TGFB1: variants seen among roughly 807,000 people sequenced by gnomAD.
TGFB1 encodes transforming growth factor beta 1.
A neutral mutation model predicts 43.8 loss-of-function variants in TGFB1; 19 were observed. The ratio of observed to expected loss-of-function variants is 0.43; its 90% CI spans 0.30 to 0.64. The LOEUF (loss-of-function observed/expected upper bound fraction) is 0.64. TGFB1 is among the 30% of genes least tolerant of loss of function. TGFB1 has a pLI of 0.11. For missense variants in TGFB1, 445 were observed against 529.8 expected (o/e 0.84, Z 1.57); for synonymous variants, 221 against 236.3 (o/e 0.94, Z 0.60).
intron 5 of TGFB1, among the ~76,000 whole-genome samples, chr19:41,333,378 A>C (rs2037956947): frequency 6.6e-6 from 1 of 151,356 alleles, no homozygotes; most frequent in South Asian, 2.1e-4. Flanking sequence ...ATGCCCGGCT[A>C]ATTTTTTTGT....
At chr19:41,331,256 G>A (rs914127637) in intron 6 of TGFB1, 46 bp from the exon 7 acceptor site, 56 of 1,462,566 alleles carry the variant, frequency 3.8e-5, no homozygotes, top group Non-Finnish European at 4.5e-5. Flanking sequence ...GTGGAGGGAG[G>A]AAAACGGCCC....
At chr19:41,344,903 A>G (rs202077445) in intron 2 of TGFB1, 39 bp from the exon 3 acceptor site, 11 of 1,523,000 alleles carry the variant, frequency 7.2e-6, no homozygotes, top group African/African-American at 1.4e-5. Context: ...CAGTGGGTAG[A>G]TGGTGTCACG....
chr19:41,350,393 CTCCCAG>C (rs2038173035), intron 1 of TGFB1, among the ~76,000 whole-genome samples: 1 of 150,482 alleles, frequency 6.6e-6, no homozygotes, highest in Non-Finnish European at 1.5e-5. Flanking sequence ...CAACCTCTGC[CTCCCAG>C]GTTCAAGCGA....
Position 41,331,106 on chromosome 19 carries a change from C to T in TGFB1, c.1119G>A (p.Lys373=), listed in dbSNP as rs1293607798. 1.2e-5 allele frequency: 19 copies of T among 1,590,222 alleles called. No individual in the cohort carries two copies. Among genetic ancestry groups the T allele is most frequent in the Non-Finnish European group, 1.6e-5 (19 of 1,170,382 alleles). The change falls in exon 7 of 7, where the codon AAG becomes AAA. Residue 373 remains lysine, a synonymous_variant. Transcript: ENST00000221930. ...PLPIVYYVGR[K]PKVEQLSNMI... ...TGTTGGACAGCTGCTCCACCTTGGG[C>T]TTGCGGCCCACGTAGTACACGATGG...
chr19:41,352,963 C>A lies in TGFB1; in HGVS notation c.82G>T (p.Ala28Ser), dbSNP rs1192464253. 2 of 1,545,916 alleles carry A rather than the reference C, an allele frequency of 1.3e-6. No individual in the cohort carries two copies. Among genetic ancestry groups the A allele is most frequent in the East Asian group, 2.4e-5 (1 of 41,156 alleles). ...ATAGTCTTGCAGGTGGATAGTCCCGCGGCCGGCCGGCCAGGCGTCAGCACC... is the reference window on the plus strand; with the variant it reads ...ATAGTCTTGCAGGTGGATAGTCCCGAGGCCGGCCGGCCAGGCGTCAGCACC... ...LLVLTPGRPA[A>S]GLSTCKTIDM... is the part of the protein sequence containing the mutation. Residue 28 changes from alanine to serine, a missense_variant, in exon 1 of 7, where the codon GCG becomes TCG. By Grantham distance (99) the Ala-to-Ser change is moderately conservative. Around this residue, in one of 3 missense-constraint regions of TGFB1, gnomAD observed 366 missense variants for 428.8 expected, o/e 0.85. Transcript: ENST00000221930.
At chr19:41,343,288 C>G (rs1386503074) in intron 3 of TGFB1, among the ~76,000 whole-genome samples, 2 of 152,052 alleles carry the variant, frequency 1.3e-5, no homozygotes. Context: ...GCATGCATCA[C>G]CACGCCGAGC....
intron 5 of TGFB1, among the ~76,000 whole-genome samples, chr19:41,339,235 C>T (rs1395034928): frequency 6.6e-6 from 1 of 151,878 alleles, no homozygotes; most frequent in Admixed American, 6.6e-5. Context: ...CCTGCCTCAG[C>T]CTCCCAAGTA....
chr19:41,338,231 C>G (rs983582803), intron 5 of TGFB1, among the ~76,000 whole-genome samples: 1 of 141,596 alleles, frequency 7.1e-6, no homozygotes, highest in African/African-American at 2.6e-5. Context: ...GCGTGGCTCA[C>G]CCCTGCAATC....
chr19:41,340,295 T>C (rs76206979), intron 5 of TGFB1, among the ~76,000 whole-genome samples: 11,192 of 146,792 alleles, frequency 0.076, 498 homozygotes, highest in African/African-American at 0.1. Flanking sequence ...CTCGCATCAT[T>C]GCCCAGGCCG....
At chr19:41,336,431 C>G (rs2037989431) in intron 5 of TGFB1, among the ~76,000 whole-genome samples, 1 of 150,644 alleles carries the variant, frequency 6.6e-6, no homozygotes. Context: ...GTCACCCAGG[C>G]TGGAGTGCAG....
At chr19:41,342,133 C>A (rs200134934) in intron 4 of TGFB1, 37 bp downstream of exon 4, 11 of 1,611,506 alleles carry the variant, frequency 6.8e-6, no homozygotes, top group Non-Finnish European at 9.3e-6. Context: ...CACGCACACA[C>A]GTCACAACTG....
At chr19:41,337,191 G>C (rs2036336621) in intron 5 of TGFB1, among the ~76,000 whole-genome samples, 1 of 151,904 alleles carries the variant, frequency 6.6e-6, no homozygotes, top group African/African-American at 2.4e-5. Flanking sequence ...GCCCAGGCTG[G>C]AGTGCAATGG....
intron 5 of TGFB1, among the ~76,000 whole-genome samples, chr19:41,333,018 G>T (rs1350679359): frequency 1.3e-5 from 2 of 151,938 alleles, no homozygotes; most frequent in East Asian, 3.9e-4. Flanking sequence ...GCCACAAGGT[G>T]CTATCAAATC....
rs540278921 is a variant in TGFB1, at chr19:41,338,603, C to A, written c.860+3280G>T. On this transcript the variant is annotated intron_variant, in intron 5 of 6. Transcript: ENST00000221930. Reference sequence around the variant, plus strand: ...CCTGTAATCCTAGCACTTTGGGAGGCTGAGGTGGGCGGATTGCCTGACCTC... The same window carrying A: ...CCTGTAATCCTAGCACTTTGGGAGGATGAGGTGGGCGGATTGCCTGACCTC... Among the ~76,000 whole-genome samples the A allele has an allele frequency of 5.3e-5, 8 of 151,964 alleles. No homozygotes were observed. In the East Asian group the frequency reaches 1.5e-3, roughly 29 times the overall value.
rs887658300 is a variant in TGFB1, at chr19:41,331,049, A to C, written c.*3T>G. On this transcript the variant is annotated 3_prime_UTR_variant, in exon 7 of 7. Transcript: ENST00000221930. ...CCGGGGCGGGGCGGGGCGGGGCGGG[A>C]CCTCAGCTGCACTTGCAGGAGCGCA... 2.4e-5 allele frequency: 37 copies of C among 1,546,450 alleles called. No homozygotes were observed. Among genetic ancestry groups the C allele is most frequent in the Non-Finnish European group, 3.1e-5 (36 of 1,149,040 alleles).
At chr19:41,342,334 G>A in intron 3 of TGFB1, 87 bp from the exon 4 acceptor site, 1 of 1,371,476 alleles carries the variant, frequency 7.3e-7, no homozygotes, top group Non-Finnish European at 1.0e-6. Flanking sequence ...AAACCCCAGG[G>A]GCTTCCTTCC....
intron 3 of TGFB1, among the ~76,000 whole-genome samples, chr19:41,343,610 G>C (rs1208208702): frequency 1.3e-5 from 2 of 152,054 alleles, no homozygotes; most frequent in African/African-American, 4.8e-5. Flanking sequence ...TCCCAGCCTT[G>C]TCCTCCCTGC....
intron 5 of TGFB1, among the ~76,000 whole-genome samples, chr19:41,336,162 A>G (rs1279315989): frequency 6.6e-6 from 1 of 150,908 alleles, no homozygotes; most frequent in African/African-American, 2.4e-5. Context: ...TACCCAGCTA[A>G]TTTTTCTGTA....
chr19:41,337,410 G>C (rs1384160618), intron 5 of TGFB1, among the ~76,000 whole-genome samples: 1 of 151,930 alleles, frequency 6.6e-6, no homozygotes, highest in African/African-American at 2.4e-5. Context: ...CAAAGTGCTG[G>C]GATTACAGGT....
Sources: allele counts gnomAD v4.1 joint callset (sites outside exome capture counted in the v4.1 genomes callset), GRCh38; gene constraint gnomAD v4.1.1; regional missense constraint gnomAD v4.1.1; transcripts MANE v1.5; gene names NCBI Gene and HGNC (gene_info 2026-07-23, HGNC 2026-07-21).